The following ADD2 variants were observed in gnomAD, a reference collection of about 807,000 sequenced individuals.
ADD2 encodes adducin 2.
In ADD2, 23 loss-of-function variants were observed where a neutral mutation model predicts 83.0. The ratio of observed to expected loss-of-function variants is 0.28; its 90% CI spans 0.20 to 0.39. The LOEUF is 0.39. Among genes scored for constraint, ADD2 ranks in the 10% least tolerant of loss-of-function variants. The pLI, the probability that ADD2 is intolerant of heterozygous loss-of-function variation, is 1.00. For missense variants in ADD2, 758 were observed against 944.9 expected (o/e 0.80, Z 2.59); for synonymous variants, 375 against 375.4 (o/e 1.00, Z 0.01).
intron 9 of ADD2, 123 bp downstream of exon 9, chr2:70,687,901 A>C: frequency 2.9e-6 from 2 of 679,294 alleles, no homozygotes; most frequent in Non-Finnish European, 5.1e-6. Context: ...GAAATAGGGC[A>C]AGGCTTTTAG....
intron 1 of ADD2, among the ~76,000 whole-genome samples, chr2:70,725,057 G>A (rs782271743): frequency 5.9e-5 from 9 of 152,170 alleles, no homozygotes; most frequent in Non-Finnish European, 1.2e-4. Context: ...AGTCTGCCTA[G>A]TTTATATCCT....
At chr2:70,731,874 A>G (rs1673300850) in intron 1 of ADD2, among the ~76,000 whole-genome samples, 1 of 152,214 alleles carries the variant, frequency 6.6e-6, no homozygotes, top group Admixed American at 6.5e-5. Context: ...GGAGGTAGAC[A>G]ATGCACCAAC....
At chr2:70,724,320 A>G (rs1553377839) in intron 1 of ADD2, among the ~76,000 whole-genome samples, 1 of 152,134 alleles carries the variant, frequency 6.6e-6, no homozygotes, top group African/African-American at 2.4e-5. Context: ...CTGCGTGCTC[A>G]TTTCTAAATG....
chr2:70,733,047 C>T (rs1213648320), intron 1 of ADD2, among the ~76,000 whole-genome samples: 1 of 152,194 alleles, frequency 6.6e-6, no homozygotes, highest in East Asian at 1.9e-4. Flanking sequence ...CTCACAGTTT[C>T]CCATCTAGGT....
chr2:70,662,916 G>C lies in ADD2; in HGVS notation c.*509C>G, dbSNP rs1381003171. 1.3e-5 allele frequency: 2 copies of C among 154,682 alleles called. No individual in the cohort carries two copies. Among genetic ancestry groups the C allele is most frequent in the African/African-American group, 4.8e-5 (2 of 41,458 alleles). The allele number at this position is 154,682 out of a possible 1,614,324, so 9.6% of individuals were successfully genotyped here. A position where few individuals can be genotyped will look rare whatever the true frequency, so the allele number is the denominator to read the frequency against. On this transcript the variant is annotated 3_prime_UTR_variant, in exon 16 of 16. Coordinates refer to ENST00000264436, the MANE Select transcript of ADD2 (RefSeq NM_001617.4). ...AGGGGTCAATTTGGCTAGTCACTTT[G>C]AGCAGCAGGGCAGGGACCCAAAGTG...
At chr2:70,746,043 G>A (rs1553381926) in intron 1 of ADD2, among the ~76,000 whole-genome samples, 1 of 152,212 alleles carries the variant, frequency 6.6e-6, no homozygotes, top group East Asian at 1.9e-4. Flanking sequence ...ACTCAATAAT[G>A]AGCTAGTGAG....
intron 1 of ADD2, among the ~76,000 whole-genome samples, chr2:70,750,088 A>T (rs1411982566): frequency 6.6e-6 from 1 of 152,038 alleles, no homozygotes; most frequent in Non-Finnish European, 1.5e-5. Context: ...TGCTCTTGAG[A>T]GGGGGGCAGA....
intron 4 of ADD2, among the ~76,000 whole-genome samples, chr2:70,700,290 G>A (rs1353706517): frequency 6.6e-6 from 1 of 152,016 alleles, no homozygotes; most frequent in Non-Finnish European, 1.5e-5. Flanking sequence ...AATGCTATTA[G>A]CAAACCTTTA....
intron 1 of ADD2, among the ~76,000 whole-genome samples, chr2:70,728,620 A>G (rs1673129278): frequency 2.0e-5 from 3 of 152,362 alleles, no homozygotes; most frequent in Non-Finnish European, 4.4e-5. Flanking sequence ...AAAACATGCT[A>G]TGGACATTGC....
At chr2:70,672,226 G>C (rs1669924178) in intron 15 of ADD2, among the ~76,000 whole-genome samples, 1 of 152,160 alleles carries the variant, frequency 6.6e-6, no homozygotes, top group Admixed American at 6.5e-5. Flanking sequence ...AGTTCAGTTG[G>C]GCCTCGAACT....
intron 1 of ADD2, among the ~76,000 whole-genome samples, chr2:70,731,350 GA>G (rs1272224411): frequency 2.0e-5 from 3 of 152,188 alleles, no homozygotes; most frequent in Non-Finnish European, 4.4e-5. Flanking sequence ...GGGTAAAGGA[GA>G]TGTGAGCAGA....
intron 1 of ADD2, among the ~76,000 whole-genome samples, chr2:70,758,494 G>C (rs371906933): frequency 3.9e-5 from 6 of 152,260 alleles, no homozygotes; most frequent in African/African-American, 1.4e-4. Flanking sequence ...CTACCTAGAG[G>C]GTAGAGCGTA....
chr2:70,704,112 A>G (rs782269162), intron 4 of ADD2, among the ~76,000 whole-genome samples: 4 of 151,878 alleles, frequency 2.6e-5, no homozygotes, highest in Non-Finnish European at 5.9e-5. Flanking sequence ...CATTGGGGTA[A>G]TTTTTCTGTG....
intron 10 of ADD2, 70 bp from the exon 11 acceptor site, chr2:70,679,031 C>T (rs782517382): frequency 9.8e-5 from 146 of 1,495,726 alleles, no homozygotes; most frequent in Non-Finnish European, 1.3e-4. Flanking sequence ...TACATGCACA[C>T]ACACCTTTCC....
At chr2:70,740,272 A>G (rs1553380830) in intron 1 of ADD2, among the ~76,000 whole-genome samples, 1 of 152,206 alleles carries the variant, frequency 6.6e-6, no homozygotes, top group Non-Finnish European at 1.5e-5. Flanking sequence ...ACTGTTGAGA[A>G]TCAGTAAGAA....
rs559862033 is a variant in ADD2, at chr2:70,768,182, G to A, written c.-450C>T. On this transcript the variant is annotated 5_prime_UTR_variant, in exon 1 of 16. Transcript: ENST00000264436. ...TCAGAATTAAAGCCATTTCCCGCACGAGGCTGGGAGGAAATGAGAGCTCTC... is the reference window on the plus strand; with the variant it reads ...TCAGAATTAAAGCCATTTCCCGCACAAGGCTGGGAGGAAATGAGAGCTCTC... 139 of 585,018 alleles carry A rather than the reference G, an allele frequency of 2.4e-4. No individual in the cohort carries two copies. Among genetic ancestry groups the A allele is most frequent in the African/African-American group, 2.2e-3 (117 of 53,028 alleles). The allele number at this position is 585,018 out of a possible 1,614,324, so 36.2% of individuals were successfully genotyped here. A position where few individuals can be genotyped will look rare whatever the true frequency, so the allele number is the denominator to read the frequency against.
rs1675571324 is a variant in ADD2 at position 70,662,378 on chromosome 2, G to A, written c.*1047C>T. 6.6e-6 allele frequency: 1 copy of A among 152,200 alleles called. No homozygotes were observed. Among genetic ancestry groups the A allele is most frequent in the Non-Finnish European group, 1.5e-5 (1 of 68,066 alleles). The allele number at this position is 152,200 out of a possible 1,614,324, so 9.4% of individuals were successfully genotyped here. A position where few individuals can be genotyped will look rare whatever the true frequency, so the allele number is the denominator to read the frequency against. ...TGCTGGACAAAGAATGACTGAGTTG[G>A]AACCTCAGAGGGTGCAAGTCAAGGT... On this transcript the variant is annotated 3_prime_UTR_variant, in exon 16 of 16. Coordinates refer to ENST00000264436, the MANE Select transcript of ADD2 (RefSeq NM_001617.4).
rs1161271807 is a variant in ADD2, at chr2:70,663,403, G to A, written c.*22C>T. On this transcript the variant is annotated 3_prime_UTR_variant, in exon 16 of 16. Coordinates refer to ENST00000264436, the MANE Select transcript of ADD2 (RefSeq NM_001617.4). ...AGGGGAGGAGAGAGAGGAGGCAGGAGGGAGCCCAAGGGTGTCATGAATCAG... is the reference window on the plus strand; with the variant it reads ...AGGGGAGGAGAGAGAGGAGGCAGGAAGGAGCCCAAGGGTGTCATGAATCAG... The A allele has an allele frequency of 1.3e-6, 2 of 1,597,240 alleles. No individual in the cohort carries two copies. Among genetic ancestry groups the A allele is most frequent in the East Asian group, 2.2e-5 (1 of 44,794 alleles).
Position 70,712,460 on chromosome 2 carries a change from T to TA in ADD2, c.-35+605dup, listed in dbSNP as rs782194928. ...CCCTGTCTCAAAAAAAATAAATAAATAAAAAAAAAAAAAAAGAAACTGAAT... is the reference window on the plus strand; with the variant it reads ...CCCTGTCTCAAAAAAAATAAATAAATAAAAAAAAAAAAAAAAGAAACTGAAT... On this transcript the variant is annotated intron_variant, in intron 2 of 15. Coordinates refer to ENST00000264436, the MANE Select transcript of ADD2 (RefSeq NM_001617.4). 4.2e-3 allele frequency among the ~76,000 whole-genome samples: 340 copies of TA among 81,820 alleles called. 4 individuals are homozygous for TA. The highest frequency in any genetic ancestry group is 8.0e-3 in the Non-Finnish European group (266 of 33,200). The allele number at this position is 81,820 out of a possible 152,430, so 53.7% of individuals were successfully genotyped here. A position where few individuals can be genotyped will look rare whatever the true frequency, so the allele number is the denominator to read the frequency against.
Sources: allele counts gnomAD v4.1 joint callset (sites outside exome capture counted in the v4.1 genomes callset), GRCh38; gene constraint gnomAD v4.1.1; transcripts MANE v1.5; gene names NCBI Gene and HGNC (gene_info 2026-07-23, HGNC 2026-07-21).